Variants in CTNNA2 observed in about 807,000 individuals in gnomAD.
The protein encoded by CTNNA2 is catenin alpha-2.
A neutral mutation model predicts 101.0 loss-of-function variants in CTNNA2; 42 were observed. The ratio of observed to expected loss-of-function variants is 0.42; its 90% CI spans 0.32 to 0.54. The LOEUF (loss-of-function observed/expected upper bound fraction) is 0.54, where lower values mean the gene tolerates loss of function less well. Ranked by LOEUF, CTNNA2 falls within the 20% of genes least tolerant of loss-of-function variation. CTNNA2 has a pLI of 0.14. For missense variants in CTNNA2, 871 were observed against 1,223.1 expected (o/e 0.71, Z 4.29); for synonymous variants, 450 against 456.4 (o/e 0.99, Z 0.18).
At chr2:79,380,078 G>C (rs1177789927) in intron 4 of CTNNA2, among the ~76,000 whole-genome samples, 2 of 152,100 alleles carry the variant, frequency 1.3e-5, no homozygotes, top group African/African-American at 2.4e-5. Flanking sequence ...TGTCCAGAGG[G>C]ACATTACAAA....
intron 9 of CTNNA2, among the ~76,000 whole-genome samples, chr2:80,467,963 C>T (rs1197079403): frequency 6.6e-6 from 1 of 152,094 alleles, no homozygotes; most frequent in Non-Finnish European, 1.5e-5. Context: ...GTTATAGCAG[C>T]CCCAACAAAC....
intron 2 of CTNNA2, among the ~76,000 whole-genome samples, chr2:79,263,593 C>T (rs946154403): frequency 1.3e-5 from 2 of 152,138 alleles, no homozygotes; most frequent in African/African-American, 4.8e-5. Flanking sequence ...AGACTAATAC[C>T]ATCTCCCAAA....
At chr2:80,060,259 G>T (rs976835142) in intron 7 of CTNNA2, among the ~76,000 whole-genome samples, 2 of 152,168 alleles carry the variant, frequency 1.3e-5, no homozygotes. Context: ...CTGAGTCAAG[G>T]CCTGGAGGCT....
At chr2:80,621,619 T>G (rs1030481692) in intron 18 of CTNNA2, among the ~76,000 whole-genome samples, 7 of 151,954 alleles carry the variant, frequency 4.6e-5, no homozygotes, top group Admixed American at 1.3e-4. Context: ...TAAAAAACAT[T>G]TACTAGGTAA....
chr2:79,403,119 C>T (rs1678307140), intron 4 of CTNNA2, among the ~76,000 whole-genome samples: 1 of 151,532 alleles, frequency 6.6e-6, no homozygotes, highest in Non-Finnish European at 1.5e-5. Context: ...AAAACTAAAG[C>T]ATAAATAAAG....
At chr2:79,941,117 C>T (rs578109506) in intron 7 of CTNNA2, among the ~76,000 whole-genome samples, 62 of 152,270 alleles carry the variant, frequency 4.1e-4, no homozygotes, top group Non-Finnish European at 8.2e-4. Flanking sequence ...TCTGCAGATC[C>T]CAGCATTGCT....
chr2:79,706,241 T>C (rs1040369977), intron 2 of CTNNA2, among the ~76,000 whole-genome samples: 1 of 151,660 alleles, frequency 6.6e-6, no homozygotes, highest in Non-Finnish European at 1.5e-5. Flanking sequence ...CGGGCGCCTG[T>C]AGTCCCAGCT....
intron 7 of CTNNA2, among the ~76,000 whole-genome samples, chr2:79,920,223 A>T (rs1390980698): frequency 6.6e-6 from 1 of 152,180 alleles, no homozygotes; most frequent in East Asian, 1.9e-4. Flanking sequence ...ATCTCAAAAA[A>T]ACAAAAACAA....
Position 80,546,080 on chromosome 2 carries a change from G to C in CTNNA2, c.1540+17G>C. ...CTGTCTCAGGTAATCATCACAAACA[G>C]GTCCCTTACAAGGCAGCTGGAGGAG... On this transcript the variant is annotated intron_variant, in intron 11 of 18. Transcript: ENST00000402739. 6.2e-7 allele frequency: 1 copy of C among 1,612,854 alleles called. No individual in the cohort carries two copies. Among genetic ancestry groups the C allele is most frequent in the Non-Finnish European group, 8.5e-7 (1 of 1,179,608 alleles).
intron 18 of CTNNA2, among the ~76,000 whole-genome samples, chr2:80,620,027 T>C (rs968521205): frequency 2.0e-5 from 3 of 151,986 alleles, no homozygotes; most frequent in Non-Finnish European, 4.4e-5. Flanking sequence ...CCTCGTTCTC[T>C]CCTGGGTACC....
At chr2:80,108,514 C>T (rs1701021975) in intron 7 of CTNNA2, among the ~76,000 whole-genome samples, 1 of 152,204 alleles carries the variant, frequency 6.6e-6, no homozygotes, top group Non-Finnish European at 1.5e-5. Context: ...AGTTGACTTT[C>T]CTGCTGAGCC....
chr2:80,602,260 T>C (rs1202575313), intron 15 of CTNNA2, among the ~76,000 whole-genome samples: 1 of 152,044 alleles, frequency 6.6e-6, no homozygotes, highest in Non-Finnish European at 1.5e-5. Flanking sequence ...AAAGACATGC[T>C]TCTTTTCATT....
chr2:79,962,616 G>T (rs1338227483), intron 7 of CTNNA2, among the ~76,000 whole-genome samples: 1 of 152,160 alleles, frequency 6.6e-6, no homozygotes, highest in Non-Finnish European at 1.5e-5. Context: ...CCCCAACACA[G>T]TGGAGAACCA....
At chr2:79,983,848 G>T (rs1691566467) in intron 7 of CTNNA2, among the ~76,000 whole-genome samples, 1 of 152,158 alleles carries the variant, frequency 6.6e-6, no homozygotes, top group Admixed American at 6.6e-5. Flanking sequence ...TTAAATGAAT[G>T]TTGAAGGGCT....
chr2:79,949,401 G>A (rs948436721), intron 7 of CTNNA2, among the ~76,000 whole-genome samples: 3 of 152,170 alleles, frequency 2.0e-5, no homozygotes, highest in Admixed American at 6.5e-5. Context: ...CATATGTTAT[G>A]TGGAAGACCA....
At chr2:79,699,889 T>C (rs1369371200) in intron 2 of CTNNA2, among the ~76,000 whole-genome samples, 1 of 147,912 alleles carries the variant, frequency 6.8e-6, no homozygotes, top group Non-Finnish European at 1.5e-5. Context: ...GTATATATAA[T>C]ACATATATTT....
At chr2:79,915,960 A>G (rs1030445797) in intron 7 of CTNNA2, among the ~76,000 whole-genome samples, 2 of 152,216 alleles carry the variant, frequency 1.3e-5, no homozygotes, top group African/African-American at 4.8e-5. Context: ...GAATTGCTAT[A>G]CTGCCACATT....
At chr2:79,531,258 A>G (rs950818724) in intron 1 of CTNNA2, among the ~76,000 whole-genome samples, 9 of 145,768 alleles carry the variant, frequency 6.2e-5, no homozygotes, top group Non-Finnish European at 3.0e-5. Flanking sequence ...AGAATAAATG[A>G]CTTACATAGG....
intron 3 of CTNNA2, among the ~76,000 whole-genome samples, chr2:79,782,504 T>A (rs941743482): frequency 2.0e-5 from 3 of 152,214 alleles, no homozygotes; most frequent in Non-Finnish European, 4.4e-5. Context: ...CCCAAAATGC[T>A]GGAATTACAG....
Sources: allele counts gnomAD v4.1 joint callset (sites outside exome capture counted in the v4.1 genomes callset), GRCh38; gene constraint gnomAD v4.1.1; transcripts MANE v1.5; gene names NCBI Gene and HGNC (gene_info 2026-07-23, HGNC 2026-07-21).